Variants in PID1 observed in about 807,000 individuals in gnomAD.
PID1 encodes the protein phosphotyrosine interaction domain containing 1.
PID1 carries 10 observed loss-of-function variants against 19.1 expected under a neutral mutation model. The ratio of observed to expected loss-of-function variants is 0.52; its 90% CI spans 0.32 to 0.89. PID1 has a LOEUF of 0.89. PID1 is among the 40% of genes least tolerant of loss of function. The pLI, the probability that PID1 is intolerant of heterozygous loss-of-function variation, is 0.03. For missense variants in PID1, 248 were observed against 285.3 expected (o/e 0.87, Z 0.94); for synonymous variants, 130 against 116.0 (o/e 1.12, Z -0.78).
chr2:229,057,424 C>A (rs1201845897), intron 2 of PID1, among the ~76,000 whole-genome samples: 2 of 150,828 alleles, frequency 1.3e-5, no homozygotes, highest in African/African-American at 4.9e-5. Flanking sequence ...CCATTGCACT[C>A]CAGCCTGAGC....
intron 2 of PID1, among the ~76,000 whole-genome samples, chr2:229,053,326 T>C (rs1409375): frequency 0.3 from 45,609 of 152,082 alleles, 7,731 homozygotes; most frequent in East Asian, 0.53. Flanking sequence ...TCAGAAACTA[T>C]AAAGATGTTA....
At chr2:229,121,353 T>C (rs1179237208) in intron 2 of PID1, among the ~76,000 whole-genome samples, 2 of 152,192 alleles carry the variant, frequency 1.3e-5, no homozygotes, top group East Asian at 1.9e-4. Flanking sequence ...ACTAAATTCA[T>C]TGCAAGGGCT....
intron 2 of PID1, among the ~76,000 whole-genome samples, chr2:229,080,630 T>C (rs1312676945): frequency 1.3e-5 from 2 of 152,236 alleles, no homozygotes; most frequent in African/African-American, 2.4e-5. Flanking sequence ...GAACCTAGGA[T>C]GTTCTCAAGG....
At chr2:229,236,781 A>G (rs995229604) in intron 1 of PID1, among the ~76,000 whole-genome samples, 7 of 152,068 alleles carry the variant, frequency 4.6e-5, no homozygotes, top group African/African-American at 1.7e-4. Context: ...AAGACAGATA[A>G]AGCCACAGTA....
At chr2:229,149,415 A>G (rs1690201673) in intron 2 of PID1, among the ~76,000 whole-genome samples, 1 of 152,146 alleles carries the variant, frequency 6.6e-6, no homozygotes, top group Non-Finnish European at 1.5e-5. Context: ...AGTCCTTATC[A>G]TGAGATAAGC....
At chr2:229,219,891 T>C (rs1223515471) in intron 1 of PID1, among the ~76,000 whole-genome samples, 1 of 152,066 alleles carries the variant, frequency 6.6e-6, no homozygotes, top group East Asian at 1.9e-4. Flanking sequence ...GGAAGACACT[T>C]GTCTAAGGTC....
intron 2 of PID1, 146 bp from the exon 3 acceptor site, chr2:229,026,254 C>T (rs1693420503): frequency 3.2e-6 from 2 of 631,470 alleles, no homozygotes; most frequent in Non-Finnish European, 2.8e-6. Context: ...AAGAATAACT[C>T]ATCAAAATTT....
intron 2 of PID1, among the ~76,000 whole-genome samples, chr2:229,112,977 A>C (rs1695329161): frequency 6.6e-6 from 1 of 152,088 alleles, no homozygotes. Context: ...CCAAGGCCCT[A>C]TCTCTATCTA....
intron 2 of PID1, among the ~76,000 whole-genome samples, chr2:229,098,689 A>G (rs1695019346): frequency 6.6e-6 from 1 of 152,082 alleles, no homozygotes; most frequent in East Asian, 1.9e-4. Flanking sequence ...TTGCATGATT[A>G]TTCTTCTTTC....
chr2:229,078,172 G>A (rs1261675341), intron 2 of PID1, among the ~76,000 whole-genome samples: 1 of 152,172 alleles, frequency 6.6e-6, no homozygotes, highest in African/African-American at 2.4e-5. Flanking sequence ...AATTCTGAAT[G>A]GGAGTTTGCT....
At chr2:229,146,540 T>C (rs1431532376) in intron 2 of PID1, among the ~76,000 whole-genome samples, 2 of 151,960 alleles carry the variant, frequency 1.3e-5, no homozygotes, top group South Asian at 2.1e-4. Flanking sequence ...TGTGTGTGTG[T>C]GTGTGTGTGT....
intron 1 of PID1, among the ~76,000 whole-genome samples, chr2:229,225,655 G>A (rs1228571781): frequency 6.6e-6 from 1 of 152,122 alleles, no homozygotes; most frequent in Non-Finnish European, 1.5e-5. Context: ...ACATGGGACT[G>A]GGTAATTTAT....
At chr2:229,067,683 C>T (rs1013718429) in intron 2 of PID1, among the ~76,000 whole-genome samples, 2 of 152,128 alleles carry the variant, frequency 1.3e-5, no homozygotes, top group African/African-American at 4.8e-5. Context: ...ACATGCCTCC[C>T]CCGATAGGAT....
intron 2 of PID1, among the ~76,000 whole-genome samples, chr2:229,075,626 T>G (rs1334381607): frequency 6.6e-6 from 1 of 152,138 alleles, no homozygotes; most frequent in African/African-American, 2.4e-5. Flanking sequence ...GGGGACTAAA[T>G]GCTGCTCTAC....
At chr2:229,216,198 C>T (rs1042105860) in intron 1 of PID1, among the ~76,000 whole-genome samples, 4 of 152,166 alleles carry the variant, frequency 2.6e-5, no homozygotes, top group African/African-American at 9.7e-5. Context: ...ACAAAGACAG[C>T]TTTTTAAAAT....
rs1329960601 is a variant in PID1 at position 229,138,980 on chromosome 2, G to GAAGAACGAAAGAAAGA, written c.177+16837_177+16838insTCTTTCTTTCGTTCTT. 2.2e-4 allele frequency among the ~76,000 whole-genome samples: 15 copies of GAAGAACGAAAGAAAGA among 67,024 alleles called. 1 individual carries two copies. Among genetic ancestry groups the GAAGAACGAAAGAAAGA allele is most frequent in the African/African-American group, 9.3e-4 (15 of 16,168 alleles). 44.0% of individuals were successfully genotyped at this position (67,024 alleles called of 152,430 possible). A position where few individuals can be genotyped will look rare whatever the true frequency, so the allele number is the denominator to read the frequency against. ...AAAGAGAAATAAATAGAAAAAAATA[G>GAAGAACGAAAGAAAGA]AAGAAAGAAAGAAAGAAAGAAAGAA... On this transcript the variant is annotated intron_variant, in intron 2 of 2. Transcript: ENST00000392055.
chr2:229,188,563 C>T (rs936747507), intron 1 of PID1, among the ~76,000 whole-genome samples: 3 of 151,988 alleles, frequency 2.0e-5, no homozygotes, highest in Non-Finnish European at 4.4e-5. Context: ...CATAGTGAAA[C>T]CCTGTCTCTA....
rs370005234 is a variant in PID1 at position 229,145,717 on chromosome 2, C to T, written c.177+10101G>A. ...CTATTCACTGTCCCTGTGACAGTAC[C>T]GTGAATCTTTTACAAACACTGTTTC... On this transcript the variant is annotated intron_variant, in intron 2 of 2. Coordinates refer to ENST00000392055, the MANE Select transcript of PID1 (RefSeq NM_001100818.2). 7.2e-5 allele frequency among the ~76,000 whole-genome samples: 11 copies of T among 152,150 alleles called. 1 individual carries two copies. The highest frequency in any genetic ancestry group is 2.2e-4 in the African/African-American group (9 of 41,538).
At chr2:229,100,397 TGAAACTATTAGAAAAACTACAAA>T (rs1262438187) in intron 2 of PID1, among the ~76,000 whole-genome samples, 1 of 152,164 alleles carries the variant, frequency 6.6e-6, no homozygotes, top group Non-Finnish European at 1.5e-5. Flanking sequence ...AACATTTCAA[TGAAACTATTAGAAAAACTACAAA>T]GGAAATTATG....
Sources: allele counts gnomAD v4.1 joint callset (sites outside exome capture counted in the v4.1 genomes callset), GRCh38; gene constraint gnomAD v4.1.1; transcripts MANE v1.5; gene names NCBI Gene and HGNC (gene_info 2026-07-23, HGNC 2026-07-21).